The following IMPA2 variants were observed in gnomAD, a reference collection of about 807,000 sequenced individuals.
IMPA2 encodes the protein inositol monophosphatase 2, also known as IMP 2.
A neutral mutation model predicts 35.1 loss-of-function variants in IMPA2; 32 were observed. The observed-to-expected ratio is 0.91, with a 90% CI of 0.69 to 1.23. The LOEUF (loss-of-function observed/expected upper bound fraction) is 1.23, where lower values mean the gene tolerates loss of function less well. Ranked by LOEUF, IMPA2 falls within the 50% of genes most tolerant of loss-of-function variation. IMPA2 has a pLI of 0.00. For synonymous variants in IMPA2, 135 were observed against 160.6 expected (o/e 0.84, Z 1.20); for missense variants, 334 against 387.6 (o/e 0.86, Z 1.16).
chr18:11,996,549 C>CCA (rs1403574727), intron 1 of IMPA2, among the ~76,000 whole-genome samples: 3 of 152,122 alleles, frequency 2.0e-5, no homozygotes, highest in Non-Finnish European at 4.4e-5. Context: ...GAACCCACCA[C>CCA]CACCTGCCCA....
In IMPA2 at chr18:12,007,620, T is replaced by TTC. The variant is rs1568032816; in HGVS notation, c.231-2262_231-2261insCT. Among the ~76,000 whole-genome samples, 502 of 112,188 alleles carry TTC rather than the reference T, an allele frequency of 4.5e-3. 2 individuals are homozygous for TTC. Among genetic ancestry groups the TTC allele is most frequent in the African/African-American group, 0.012 (323 of 26,402 alleles). 73.6% of individuals were successfully genotyped at this position (112,188 alleles called of 152,430 possible). On this transcript the variant is annotated intron_variant, in intron 2 of 7. Coordinates refer to ENST00000269159, the MANE Select transcript of IMPA2 (RefSeq NM_014214.3). Reference sequence around the variant, plus strand: ...TCTTTCTTTCTCTTTCTTTCTTTCTTTTTCTTTCTTCTTTCTTTCTTTCTT... The same window carrying TTC: ...TCTTTCTTTCTCTTTCTTTCTTTCTTTCTTTCTTTCTTCTTTCTTTCTTTCTT...
At chr18:11,985,666 G>A (rs1906644882) in intron 1 of IMPA2, among the ~76,000 whole-genome samples, 1 of 152,194 alleles carries the variant, frequency 6.6e-6, no homozygotes, top group Non-Finnish European at 1.5e-5. Context: ...GCCAGTGTCT[G>A]TGTCCACCTC....
intron 1 of IMPA2, among the ~76,000 whole-genome samples, chr18:11,982,544 C>T (rs948724430): frequency 1.6e-4 from 25 of 152,284 alleles, no homozygotes; most frequent in Non-Finnish European, 3.5e-4. Context: ...CCTGTAATCC[C>T]AGCACTTTGG....
intron 4 of IMPA2, among the ~76,000 whole-genome samples, chr18:12,013,636 CG>C (rs1907493848): frequency 6.6e-6 from 1 of 152,200 alleles, no homozygotes; most frequent in Non-Finnish European, 1.5e-5. Context: ...CAGAGGCACG[CG>C]GCCGTGGGCT....
At position 12,018,707 on chromosome 18, in the gene IMPA2, G is replaced by C. The variant is rs899574058; in HGVS notation, c.490+4334G>C. ...AAATAAGAAAGCTTTAGTGAGGAGAGTGGGATAGTTTTACATTTTTTCCAA... is the reference window on the plus strand; with the variant it reads ...AAATAAGAAAGCTTTAGTGAGGAGACTGGGATAGTTTTACATTTTTTCCAA... On this transcript the variant is annotated intron_variant, in intron 5 of 7. Coordinates refer to ENST00000269159, the MANE Select transcript of IMPA2 (RefSeq NM_014214.3). Among the ~76,000 whole-genome samples the C allele has an allele frequency of 7.2e-5, 11 of 152,308 alleles. No individual in the cohort carries two copies. The East Asian group carries it at 2.1e-3, about 29-fold the overall frequency.
intron 4 of IMPA2, among the ~76,000 whole-genome samples, chr18:12,013,232 A>G (rs977247819): frequency 6.6e-6 from 1 of 152,066 alleles, no homozygotes; most frequent in Non-Finnish European, 1.5e-5. Flanking sequence ...GCTCCTCCCC[A>G]TGGGAGTGGG....
intron 1 of IMPA2, among the ~76,000 whole-genome samples, chr18:11,982,147 G>A (rs1484067894): frequency 1.9e-4 from 29 of 152,234 alleles, no homozygotes; most frequent in African/African-American, 5.5e-4. Flanking sequence ...AGCCGCGTGG[G>A]GATCTGGCTG....
At chr18:12,014,924 G>A (rs1907536729) in intron 5 of IMPA2, among the ~76,000 whole-genome samples, 1 of 152,206 alleles carries the variant, frequency 6.6e-6, no homozygotes, top group Admixed American at 6.5e-5. Context: ...GGCTCTGAGA[G>A]AGGGGTTCCC....
At chr18:12,005,176 G>A (rs910638203) in intron 2 of IMPA2, among the ~76,000 whole-genome samples, 5 of 152,298 alleles carry the variant, frequency 3.3e-5, no homozygotes. Flanking sequence ...GGGGATGCTC[G>A]TGCCACCTTG....
chr18:12,012,173 C>T lies in IMPA2; in HGVS notation c.339C>T (p.Phe113=), dbSNP rs771796167. ...IDGTCNFVHR[F]PTVAVSIGFA... ...ACCTTTCTATTTTCCTTTGCAGATT[C>T]CCGACTGTGGCGGTTAGCATTGGAT... Residue 113 remains phenylalanine (F), a synonymous_variant, in exon 4 of 8, where the codon TTC becomes TTT. Transcript: ENST00000269159. 6.2e-7 allele frequency: 1 copy of T among 1,614,152 alleles called. No individual in the cohort carries two copies. Among genetic ancestry groups the T allele is most frequent in the South Asian group, 1.1e-5 (1 of 91,080 alleles).
intron 2 of IMPA2, among the ~76,000 whole-genome samples, chr18:12,006,296 C>T (rs1907245420): frequency 6.6e-6 from 1 of 152,222 alleles, no homozygotes; most frequent in Non-Finnish European, 1.5e-5. Context: ...CCTCCTAGAT[C>T]TGTTTGGGGA....
rs556983110 is a variant in IMPA2 at position 12,012,033 on chromosome 18, G to A, written c.336-137G>A. The A allele has an allele frequency of 1.9e-5, 13 of 681,268 alleles. No individual in the cohort carries two copies. In the East Asian group the frequency reaches 3.2e-4, roughly 17 times the overall value. The allele number at this position is 681,268 out of a possible 1,614,324, so 42.2% of individuals were successfully genotyped here. On this transcript the variant is annotated intron_variant, in intron 3 of 7. Transcript: ENST00000269159. ...TTGGAAGCAGTTAGTGAAACTGTGG[G>A]AAGTAGTTTTTAAACAACCAACCCA... is the stretch of plus-strand genomic sequence containing the variant.
At chr18:12,007,617 T>A (rs1362057805) in intron 2 of IMPA2, among the ~76,000 whole-genome samples, 3 of 133,170 alleles carry the variant, frequency 2.3e-5, no homozygotes, top group Non-Finnish European at 4.6e-5. Flanking sequence ...TTTCTTTCTT[T>A]CTTTTTCTTT....
At chr18:11,992,540 T>C (rs1436211010) in intron 1 of IMPA2, among the ~76,000 whole-genome samples, 6 of 152,214 alleles carry the variant, frequency 3.9e-5, no homozygotes, top group African/African-American at 1.2e-4. Context: ...AGCTGGTTGA[T>C]GGTGACCTTT....
At chr18:12,017,611 C>T (rs1907613771) in intron 5 of IMPA2, 1 of 430,374 alleles carries the variant, frequency 2.3e-6, no homozygotes, top group South Asian at 1.7e-5. Flanking sequence ...TTTTTTGAAA[C>T]AGGATCTCAC....
In IMPA2 at chr18:12,021,428, T is replaced by A. The variant is rs560757451; in HGVS notation, c.491-6615T>A. On this transcript the variant is annotated intron_variant, in intron 5 of 7. Transcript: ENST00000269159. ...AAACAACACACTGATGAAAGTGTAG[T>A]CACAGAAGTTATATATCCAACAAAA... is the stretch of plus-strand genomic sequence containing the variant. 7.4e-5 allele frequency among the ~76,000 whole-genome samples: 11 copies of A among 148,016 alleles called. No homozygotes were observed. In the South Asian group the frequency reaches 2.0e-3, roughly 27 times the overall value.
In IMPA2 at chr18:12,010,715, C is replaced by T. The variant is rs569860370; in HGVS notation, c.335+728C>T. 2.1e-4 allele frequency among the ~76,000 whole-genome samples: 32 copies of T among 152,286 alleles called. No homozygotes were observed. The highest frequency in any genetic ancestry group is 3.4e-3 in the Middle Eastern group (1 of 294). On this transcript the variant is annotated intron_variant, in intron 3 of 7. Transcript: ENST00000269159. This position sits in a 1 kb window ranked among gnomAD's most constrained non-coding sequence, Gnocchi z 4.8. ...ATGGGCGGGTGGCTTGCAGCTCCTGCGCTCACAGTGCACGCCAGCACACTA... is the reference window on the plus strand; with the variant it reads ...ATGGGCGGGTGGCTTGCAGCTCCTGTGCTCACAGTGCACGCCAGCACACTA...
chr18:12,017,070 A>G (rs1205443872), intron 5 of IMPA2, among the ~76,000 whole-genome samples: 1 of 152,050 alleles, frequency 6.6e-6, no homozygotes, highest in Non-Finnish European at 1.5e-5. Flanking sequence ...TCTTATTTCT[A>G]TTATGCCTTG....
intron 5 of IMPA2, 98 bp from the exon 6 acceptor site, chr18:12,027,945 C>T: frequency 1.3e-6 from 1 of 757,474 alleles, no homozygotes; most frequent in East Asian, 2.5e-5. Context: ...AAAGATGATC[C>T]TTACTCTGAG....
Sources: allele counts gnomAD v4.1 joint callset (sites outside exome capture counted in the v4.1 genomes callset), GRCh38; gene constraint gnomAD v4.1.1; non-coding constraint Gnocchi (gnomAD v3.1); transcripts MANE v1.5; gene names NCBI Gene and HGNC (gene_info 2026-07-23, HGNC 2026-07-21).